SLC35F1: variants seen among roughly 807,000 people sequenced by gnomAD.
SLC35F1 encodes chromosome 6 open reading frame 169.
In SLC35F1, 14 loss-of-function variants were observed where a neutral mutation model predicts 48.7. That is an observed-to-expected ratio of 0.29 (90% CI 0.19 to 0.45). SLC35F1 has a LOEUF of 0.45. SLC35F1 is among the 20% of genes least tolerant of loss of function. The pLI is 1.00. For missense variants in SLC35F1, 404 were observed against 500.0 expected (o/e 0.81, Z 1.83); for synonymous variants, 190 against 202.2 (o/e 0.94, Z 0.51).
intron 1 of SLC35F1, among the ~76,000 whole-genome samples, chr6:117,977,894 A>C (rs1235775531): frequency 6.6e-6 from 1 of 152,128 alleles, no homozygotes; most frequent in South Asian, 2.1e-4. Context: ...TTTTAGCTTC[A>C]TTTAGTAATG....
rs1251442663 is a variant in SLC35F1, at chr6:117,965,418, C to T, written c.173+57519C>T. Among the ~76,000 whole-genome samples, 4 of 152,158 alleles carry T rather than the reference C, an allele frequency of 2.6e-5. No individual in the cohort carries two copies. The East Asian group carries it at 7.7e-4, about 29-fold the overall frequency. On this transcript the variant is annotated intron_variant, in intron 1 of 7. Transcript: ENST00000360388. ...CCATCTCTCCTCAGTTCTTATGAACCCTGCTTAGATTGCAGAAACAGGTGA... is the reference window on the plus strand; with the variant it reads ...CCATCTCTCCTCAGTTCTTATGAACTCTGCTTAGATTGCAGAAACAGGTGA...
chr6:117,967,335 C>A (rs1030806715), intron 1 of SLC35F1, among the ~76,000 whole-genome samples: 1 of 152,036 alleles, frequency 6.6e-6, no homozygotes, highest in Non-Finnish European at 1.5e-5. Flanking sequence ...TACTATATTT[C>A]TAAAAAATGA....
chr6:117,994,373 A>T (rs1212791682), intron 1 of SLC35F1, among the ~76,000 whole-genome samples: 1 of 152,206 alleles, frequency 6.6e-6, no homozygotes, highest in African/African-American at 2.4e-5. Context: ...TCCCAATTTT[A>T]AGATACATAA....
chr6:117,963,505 G>C (rs891820899), intron 1 of SLC35F1, among the ~76,000 whole-genome samples: 3 of 152,184 alleles, frequency 2.0e-5, no homozygotes, highest in African/African-American at 7.2e-5. Flanking sequence ...ATCATTGTGT[G>C]CTACACGATA....
chr6:118,158,844 C>G (rs1225636308), intron 2 of SLC35F1, among the ~76,000 whole-genome samples: 10 of 152,088 alleles, frequency 6.6e-5, no homozygotes, highest in Admixed American at 6.6e-4. Context: ...ATATCATATC[C>G]AGTTGAGCAA....
intron 1 of SLC35F1, among the ~76,000 whole-genome samples, chr6:117,942,704 T>C (rs989811480): frequency 1.3e-5 from 2 of 152,170 alleles, no homozygotes; most frequent in African/African-American, 4.8e-5. Flanking sequence ...ATGACTGAAA[T>C]TTTACGAGGA....
At chr6:118,227,717 C>CA (rs1775236986) in intron 2 of SLC35F1, among the ~76,000 whole-genome samples, 1 of 151,592 alleles carries the variant, frequency 6.6e-6, no homozygotes, top group African/African-American at 2.4e-5. Context: ...ATAGGGTGGG[C>CA]AAAAACAAAA....
chr6:118,223,792 A>C (rs749848392), intron 2 of SLC35F1, among the ~76,000 whole-genome samples: 1 of 152,210 alleles, frequency 6.6e-6, no homozygotes, highest in African/African-American at 2.4e-5. Flanking sequence ...AGATGCTCTC[A>C]TGTCAGAGCT....
At chr6:118,209,636 T>C (rs531181883) in intron 2 of SLC35F1, among the ~76,000 whole-genome samples, 1 of 152,190 alleles carries the variant, frequency 6.6e-6, no homozygotes, top group African/African-American at 2.4e-5. Context: ...TATAGAATAG[T>C]ATTTCATTTT....
intron 1 of SLC35F1, among the ~76,000 whole-genome samples, chr6:118,110,160 G>A (rs1334829): frequency 0.069 from 10,514 of 152,152 alleles, 998 homozygotes; most frequent in African/African-American, 0.21. Flanking sequence ...CAGGTCTGAC[G>A]TGTAAAGGCT....
chr6:118,056,849 G>C (rs1353581009), intron 1 of SLC35F1, among the ~76,000 whole-genome samples: 1 of 152,030 alleles, frequency 6.6e-6, no homozygotes, highest in Non-Finnish European at 1.5e-5. Flanking sequence ...CTTTGCATTT[G>C]GGAAAACTAA....
At chr6:118,079,840 G>A (rs568468583) in intron 1 of SLC35F1, among the ~76,000 whole-genome samples, 16 of 152,240 alleles carry the variant, frequency 1.1e-4, no homozygotes, top group Non-Finnish European at 1.5e-4. Flanking sequence ...ACCTCTGACC[G>A]CTTGACCCTC....
intron 1 of SLC35F1, chr6:117,999,299 C>G (rs982247017): frequency 2.5e-6 from 4 of 1,596,096 alleles, no homozygotes; most frequent in Admixed American, 3.3e-5. Flanking sequence ...GAAGCGTGCT[C>G]TTGCCCGTAT....
intron 5 of SLC35F1, among the ~76,000 whole-genome samples, chr6:118,276,836 G>T (rs191023676): frequency 6.6e-6 from 1 of 152,136 alleles, no homozygotes; most frequent in Non-Finnish European, 1.5e-5. Flanking sequence ...TGGCACTAGG[G>T]TGTCCTTGGC....
chr6:118,278,320 G>C (rs185180364), intron 6 of SLC35F1, among the ~76,000 whole-genome samples: 208 of 152,270 alleles, frequency 1.4e-3, no homozygotes, highest in Non-Finnish European at 2.5e-3. Context: ...TGGCAGGGAG[G>C]GGGCTACAGA....
chr6:117,981,813 T>C (rs1269702614), intron 1 of SLC35F1, among the ~76,000 whole-genome samples: 1 of 152,232 alleles, frequency 6.6e-6, no homozygotes, highest in Non-Finnish European at 1.5e-5. Context: ...ACCTACACTA[T>C]TCTTTTATAA....
intron 2 of SLC35F1, among the ~76,000 whole-genome samples, chr6:118,155,454 G>C (rs1395409643): frequency 1.3e-5 from 2 of 152,144 alleles, no homozygotes; most frequent in African/African-American, 4.8e-5. Context: ...ATGTGGGTTT[G>C]GTCCCCCTCT....
intron 1 of SLC35F1, among the ~76,000 whole-genome samples, chr6:118,083,763 G>T (rs1349918697): frequency 6.6e-6 from 1 of 152,142 alleles, no homozygotes; most frequent in Non-Finnish European, 1.5e-5. Flanking sequence ...ACAATAATTT[G>T]CCCTTTAGCT....
chr6:118,067,151 T>A (rs1030830608), intron 1 of SLC35F1, among the ~76,000 whole-genome samples: 1 of 152,114 alleles, frequency 6.6e-6, no homozygotes, highest in African/African-American at 2.4e-5. Context: ...TGAAAAAGAA[T>A]CATGGATCAC....
Sources: allele counts gnomAD v4.1 joint callset (sites outside exome capture counted in the v4.1 genomes callset), GRCh38; gene constraint gnomAD v4.1.1; transcripts MANE v1.5; gene names NCBI Gene and HGNC (gene_info 2026-07-23, HGNC 2026-07-21).